TOX2: variants seen among roughly 807,000 people sequenced by gnomAD.
The protein encoded by TOX2 is TOX high mobility group box family member 2, also known as granulosa cell HMG box 1.
Under a neutral mutation model 47.4 loss-of-function variants are expected in TOX2, and 15 were observed. The ratio of observed to expected loss-of-function variants is 0.32; its 90% CI spans 0.21 to 0.49. The LOEUF is 0.49. Among genes scored for constraint, TOX2 ranks in the 20% least tolerant of loss-of-function variants. TOX2 has a pLI of 0.99. For missense variants in TOX2, 622 were observed against 673.1 expected (o/e 0.92, Z 0.84); for synonymous variants, 290 against 296.6 (o/e 0.98, Z 0.23).
chr20:43,944,347 A>G (rs545781286), intron 1 of TOX2, among the ~76,000 whole-genome samples: 89 of 152,330 alleles, frequency 5.8e-4, no homozygotes, highest in African/African-American at 2.1e-3. Context: ...TGCTATGGAC[A>G]AAGTAACTCA....
chr20:44,039,267 C>G (rs1440872673), intron 3 of TOX2: 2 of 1,289,402 alleles, frequency 1.6e-6, no homozygotes, highest in African/African-American at 3.0e-5. Flanking sequence ...GGGCAGGTGT[C>G]CAGTCTAGAG....
chr20:43,992,009 A>C (rs746740917), intron 2 of TOX2, among the ~76,000 whole-genome samples: 4 of 152,288 alleles, frequency 2.6e-5, no homozygotes, highest in Non-Finnish European at 5.9e-5. Flanking sequence ...CTGAGCAGGT[A>C]GGGGAGCTGG....
Position 43,915,557 on chromosome 20 carries a change from C to T in TOX2, c.99+567C>T, listed in dbSNP as rs2069046273. Among the ~76,000 whole-genome samples the T allele has an allele frequency of 6.6e-6, 1 of 152,186 alleles. No homozygotes were observed. The highest frequency in any genetic ancestry group is 1.9e-4 in the East Asian group (1 of 5,180). On this transcript the variant is annotated intron_variant, in intron 1 of 8. Transcript: ENST00000341197. This position sits in a 1 kb window ranked among gnomAD's most constrained non-coding sequence, Gnocchi z 7.1. ...GGCGCACGCTGTCACACACAGCCACCCCCCTGGACGGTGAGCCTCAGACAC... is the reference window on the plus strand; with the variant it reads ...GGCGCACGCTGTCACACACAGCCACTCCCCTGGACGGTGAGCCTCAGACAC...
At chr20:44,021,427 G>A (rs1044893821) in intron 3 of TOX2, among the ~76,000 whole-genome samples, 4 of 152,078 alleles carry the variant, frequency 2.6e-5, no homozygotes, top group Non-Finnish European at 4.4e-5. Context: ...TGAGATGGTC[G>A]CTACCCCATC....
chr20:43,987,130 A>G (rs1050992393), intron 2 of TOX2, among the ~76,000 whole-genome samples: 1 of 152,226 alleles, frequency 6.6e-6, no homozygotes, highest in African/African-American at 2.4e-5. Flanking sequence ...ATGCCCATCA[A>G]GAGTAGACTG....
At chr20:44,065,123 GC>G (rs149283638) in intron 6 of TOX2, among the ~76,000 whole-genome samples, 2 of 152,320 alleles carry the variant, frequency 1.3e-5, no homozygotes, top group East Asian at 3.9e-4. Flanking sequence ...TGTTAAAGTG[GC>G]CGCACTAGGA....
chr20:44,015,661 G>A (rs924183860), intron 3 of TOX2, among the ~76,000 whole-genome samples: 1 of 152,104 alleles, frequency 6.6e-6, no homozygotes, highest in Non-Finnish European at 1.5e-5. Context: ...GCCTTTTACT[G>A]GAACATTATG....
chr20:44,043,006 T>C (rs968690256), intron 3 of TOX2, among the ~76,000 whole-genome samples: 4 of 152,198 alleles, frequency 2.6e-5, no homozygotes, highest in African/African-American at 9.7e-5. Flanking sequence ...GCCATTTTAC[T>C]ATTTTGGTAA....
At chr20:44,068,605 G>T in intron 8 of TOX2, 45 bp from the exon 9 acceptor site, 1 of 1,587,122 alleles carries the variant, frequency 6.3e-7, no homozygotes, top group Non-Finnish European at 8.6e-7. Context: ...CCCCTGGCCC[G>T]GAGAGGTACC....
chr20:44,019,900 G>GGA (rs908484734), intron 3 of TOX2, among the ~76,000 whole-genome samples: 3 of 152,186 alleles, frequency 2.0e-5, no homozygotes, highest in African/African-American at 7.2e-5. Context: ...AAGGATCAAG[G>GGA]GAGAGGGGGC....
intron 3 of TOX2, among the ~76,000 whole-genome samples, chr20:44,032,997 T>C (rs966193134): frequency 1.3e-5 from 2 of 152,210 alleles, no homozygotes; most frequent in Admixed American, 6.5e-5. Context: ...AGGGATAATA[T>C]GCTATTATTA....
intron 1 of TOX2, among the ~76,000 whole-genome samples, chr20:43,951,133 C>T (rs983344326): frequency 2.0e-5 from 3 of 152,144 alleles, no homozygotes; most frequent in Non-Finnish European, 4.4e-5. Context: ...GGTCTGGAAG[C>T]CTGTGGTCCC....
intron 1 of TOX2, among the ~76,000 whole-genome samples, chr20:43,951,707 GTTTTTT>G (rs59829203): frequency 1.8e-5 from 1 of 55,098 alleles, no homozygotes; most frequent in African/African-American, 5.4e-5. Context: ...AACTTATTAT[GTTTTTT>G]TTTTTTTTTT....
chr20:43,969,113 A>G (rs369158239), intron 1 of TOX2, among the ~76,000 whole-genome samples: 9 of 152,328 alleles, frequency 5.9e-5, no homozygotes, highest in Admixed American at 3.3e-4. Flanking sequence ...TGCTGTGGTT[A>G]TTGTGTGCCC....
At chr20:44,047,264 T>G (rs1025696589) in intron 3 of TOX2, among the ~76,000 whole-genome samples, 1 of 152,158 alleles carries the variant, frequency 6.6e-6, no homozygotes, top group Admixed American at 6.5e-5. Flanking sequence ...CTTCCCACCC[T>G]CCAGTTGTCA....
At chr20:44,067,796 C>T (rs1045455707) in intron 8 of TOX2, among the ~76,000 whole-genome samples, 12 of 152,286 alleles carry the variant, frequency 7.9e-5, no homozygotes, top group East Asian at 3.9e-4. Flanking sequence ...CTCCTTAACC[C>T]GCCAGCCAGG....
rs1175845259 is a variant in TOX2, at chr20:44,068,911, C to A, written c.*225C>A. The A allele has an allele frequency of 2.7e-5, 19 of 698,542 alleles. No individual in the cohort carries two copies. The Admixed American group carries it at 3.9e-4, about 14-fold the overall frequency. 43.3% of individuals were successfully genotyped at this position (698,542 alleles called of 1,614,324 possible). A position where few individuals can be genotyped will look rare whatever the true frequency, so the allele number is the denominator to read the frequency against. On this transcript the variant is annotated 3_prime_UTR_variant, in exon 9 of 9. Coordinates refer to ENST00000341197, the MANE Select transcript of TOX2 (RefSeq NM_001098797.2). ...CAAAGAACCTGCAGGAACCTTCCGCCCGCTGACCTGCTTGCTCCAGGGTAA... is the reference window on the plus strand; with the variant it reads ...CAAAGAACCTGCAGGAACCTTCCGCACGCTGACCTGCTTGCTCCAGGGTAA...
intron 2 of TOX2, among the ~76,000 whole-genome samples, chr20:43,981,629 C>G (rs1367848665): frequency 6.6e-6 from 1 of 152,110 alleles, no homozygotes; most frequent in Non-Finnish European, 1.5e-5. Context: ...TTTATTATAA[C>G]TTTAGAAAGT....
chr20:44,024,529 T>G (rs1034846851), intron 3 of TOX2, among the ~76,000 whole-genome samples: 7 of 152,194 alleles, frequency 4.6e-5, no homozygotes, highest in Non-Finnish European at 1.0e-4. Flanking sequence ...CATTTTTTCT[T>G]AGTATGGCTT....
Sources: allele counts gnomAD v4.1 joint callset (sites outside exome capture counted in the v4.1 genomes callset), GRCh38; gene constraint gnomAD v4.1.1; non-coding constraint Gnocchi (gnomAD v3.1); transcripts MANE v1.5; gene names NCBI Gene and HGNC (gene_info 2026-07-23, HGNC 2026-07-21).